The following CD1B variants were observed in gnomAD, a reference collection of about 807,000 sequenced individuals.
CD1B encodes the protein CD1b molecule.
Under a neutral mutation model 39.8 loss-of-function variants are expected in CD1B, and 43 were observed. The observed-to-expected ratio is 1.08, with a 90% CI of 0.85 to 1.39. The LOEUF is 1.39. Among genes scored for constraint, CD1B ranks in the 40% most tolerant of loss-of-function variants. The pLI is 0.00. For missense variants in CD1B, 495 were observed against 403.8 expected, an observed-to-expected ratio of 1.23 and a Z score of -1.94; for synonymous variants, 192 against 152.5, an observed-to-expected ratio of 1.26 and a Z score of -1.91.
chr1:158,309,845 G>A, the CD1B span, among the ~76,000 whole-genome samples: 1 of 108,108 alleles, frequency 9.3e-6, no homozygotes, highest in African/African-American at 3.4e-5. Context: ...GTGGGGGGAA[G>A]GGGGAGGGAT....
the CD1B span, among the ~76,000 whole-genome samples, chr1:158,319,168 C>A: frequency 6.6e-6 from 1 of 151,262 alleles, no homozygotes; most frequent in African/African-American, 2.4e-5. Flanking sequence ...CGAGGAGTAT[C>A]TTTGTGGTGT....
the CD1B span, among the ~76,000 whole-genome samples, chr1:158,321,894 A>G: frequency 6.6e-5 from 10 of 152,170 alleles, no homozygotes; most frequent in African/African-American, 2.4e-4. Flanking sequence ...TCCATTAGCT[A>G]TTCTTCCTGA....
chr1:158,326,114 G>C (rs1652343145), downstream of CD1B, among the ~76,000 whole-genome samples: 1 of 152,092 alleles, frequency 6.6e-6, no homozygotes, highest in Non-Finnish European at 1.5e-5. Context: ...GGGACTACAG[G>C]TGCCCACCAT....
the CD1B span, among the ~76,000 whole-genome samples, chr1:158,301,997 C>T: frequency 5.4e-4 from 82 of 152,184 alleles, no homozygotes; most frequent in African/African-American, 1.8e-3. Context: ...ATCAATCAAG[C>T]TGGTAGTTGC....
At position 158,327,988 on chromosome 1, in the gene CD1B, CA is replaced by C; in HGVS notation, c.*247del. 1 of 395,830 alleles carries C rather than the reference CA, an allele frequency of 2.5e-6. No individual in the cohort carries two copies. Among genetic ancestry groups the C allele is most frequent in the Non-Finnish European group, 4.5e-6 (1 of 222,882 alleles). The allele number at this position is 395,830 out of a possible 1,614,324, so 24.5% of individuals were successfully genotyped here. A position where few individuals can be genotyped will look rare whatever the true frequency, so the allele number is the denominator to read the frequency against. On this transcript the variant is annotated 3_prime_UTR_variant, in exon 6 of 6. Coordinates refer to ENST00000368168, the MANE Select transcript of CD1B (RefSeq NM_001764.3). The stretch of plus-strand genomic sequence containing the variant: ...ATTATATTTCATTTATTTTGAGACA[CA>C]TTTTTTCTAACATTTTAATGTGTGT...
At chr1:158,305,120 C>T in the CD1B span, among the ~76,000 whole-genome samples, 2 of 152,118 alleles carry the variant, frequency 1.3e-5, no homozygotes, top group African/African-American at 4.8e-5. Flanking sequence ...AAGAAGGCAT[C>T]AGACGATCAA....
the CD1B span, chr1:158,291,936 C>G: frequency 2.6e-6 from 2 of 760,986 alleles, no homozygotes; most frequent in South Asian, 1.9e-5. Context: ...CAATTTTTCT[C>G]TCTTGTTTCT....
the CD1B span, among the ~76,000 whole-genome samples, chr1:158,303,019 T>A: frequency 6.6e-6 from 1 of 152,068 alleles, no homozygotes; most frequent in Non-Finnish European, 1.5e-5. Context: ...AGAATATATA[T>A]GCAAAAATCC....
the CD1B span, among the ~76,000 whole-genome samples, chr1:158,285,489 T>C: frequency 1.3e-5 from 2 of 151,986 alleles, no homozygotes; most frequent in African/African-American, 4.8e-5. Context: ...GGTGATAAGA[T>C]AGAGAGGAGA....
chr1:158,326,858 A>G (rs776295989), downstream of CD1B, among the ~76,000 whole-genome samples: 17 of 152,154 alleles, frequency 1.1e-4, no homozygotes, highest in Admixed American at 3.9e-4. Context: ...GTGCAGTGGC[A>G]CAATCTTGGC....
At chr1:158,320,835 A>T in the CD1B span, among the ~76,000 whole-genome samples, 1 of 151,588 alleles carries the variant, frequency 6.6e-6, no homozygotes, top group African/African-American at 2.4e-5. Flanking sequence ...TCCTCCTCTT[A>T]TTGATTTCTA....
chr1:158,301,431 G>C, the CD1B span, among the ~76,000 whole-genome samples: 2 of 152,146 alleles, frequency 1.3e-5, no homozygotes, highest in Non-Finnish European at 2.9e-5. Flanking sequence ...GGTACTGGTT[G>C]TTTCTTTCCA....
intron 2 of CD1B, 107 bp downstream of exon 2, chr1:158,330,689 G>T: frequency 1.8e-6 from 2 of 1,105,320 alleles, no homozygotes; most frequent in South Asian, 1.2e-5. Context: ...GCGTGCATTT[G>T]GGTAAAATAG....
chr1:158,314,435 T>C, the CD1B span, among the ~76,000 whole-genome samples: 1 of 152,138 alleles, frequency 6.6e-6, no homozygotes, highest in Admixed American at 6.6e-5. Flanking sequence ...TTTGTGTTGT[T>C]TTTTAAGGCT....
Position 158,329,852 on chromosome 1 carries a change from C to A in CD1B, c.607G>T (p.Val203Leu), listed in dbSNP as rs868515699. ...NAGKADLQRQ[V>L]KPEAWLSSGP... ...GAAGTGAAATAACAGCAGGACTAAC[C>A]TTGTCTTTGCAGATCTGCTTTTCCT... The change falls in exon 3 of 6, where the codon GTG (valine) becomes TTG (leucine). Residue 203 changes from valine to leucine, a missense_variant and splice_region_variant. Val to Leu is a conservative substitution (Grantham distance 32). Transcript: ENST00000368168. 6.2e-7 allele frequency: 1 copy of A among 1,612,174 alleles called. No individual in the cohort carries two copies. The highest frequency in any genetic ancestry group is 1.7e-5 in the Admixed American group (1 of 59,904).
the CD1B span, among the ~76,000 whole-genome samples, chr1:158,309,091 G>C: frequency 6.6e-6 from 1 of 152,130 alleles, no homozygotes; most frequent in Admixed American, 6.5e-5. Context: ...ATCTGACAAA[G>C]GGCTAATATC....
the CD1B span, among the ~76,000 whole-genome samples, chr1:158,296,167 T>G: frequency 1.3e-5 from 2 of 152,020 alleles, no homozygotes; most frequent in Non-Finnish European, 2.9e-5. Context: ...AATGCTTTTC[T>G]GGGACCCCCC....
the CD1B span, among the ~76,000 whole-genome samples, chr1:158,319,602 G>A: frequency 1.3e-5 from 2 of 152,096 alleles, no homozygotes; most frequent in African/African-American, 4.8e-5. Flanking sequence ...TTTGCCTTTG[G>A]TTTGAATGTC....
At chr1:158,319,214 T>C in the CD1B span, among the ~76,000 whole-genome samples, 1 of 151,510 alleles carries the variant, frequency 6.6e-6, no homozygotes, top group Non-Finnish European at 1.5e-5. Context: ...TTGGCCTGCC[T>C]TGCTAGATTG....
Sources: allele counts gnomAD v4.1 joint callset (sites outside exome capture counted in the v4.1 genomes callset), GRCh38; gene constraint gnomAD v4.1.1; transcripts MANE v1.5; gene names NCBI Gene and HGNC (gene_info 2026-07-23, HGNC 2026-07-21).